Variants in TENT4A observed in about 807,000 individuals in gnomAD.
TENT4A encodes DNA polymerase kappa.
In TENT4A, 7 loss-of-function variants were observed where a neutral mutation model predicts 72.8. That is an observed-to-expected ratio of 0.10 (90% CI 0.05 to 0.18). TENT4A has a LOEUF of 0.18. Ranked by LOEUF, TENT4A falls within the 10% of genes least tolerant of loss-of-function variation. TENT4A has a pLI of 1.00. For missense variants in TENT4A, 831 were observed against 1,017.7 expected, an observed-to-expected ratio of 0.82 and a Z score of 2.50; for synonymous variants, 456 against 434.3, an observed-to-expected ratio of 1.05 and a Z score of -0.62.
intron 1 of TENT4A, among the ~76,000 whole-genome samples, chr5:6,715,665 A>G (rs1309034914): frequency 6.6e-6 from 1 of 152,240 alleles, no homozygotes; most frequent in African/African-American, 2.4e-5. Context: ...AATAACCACA[A>G]TTGCTAGGTG....
chr5:6,743,471 G>A (rs1396141124), intron 5 of TENT4A, among the ~76,000 whole-genome samples: 1 of 152,128 alleles, frequency 6.6e-6, no homozygotes, highest in South Asian at 2.1e-4. Context: ...CGTCATGGTA[G>A]GGGTGCACCC....
intron 4 of TENT4A, among the ~76,000 whole-genome samples, chr5:6,741,144 G>A (rs888098620): frequency 1.3e-4 from 20 of 152,176 alleles, no homozygotes; most frequent in Non-Finnish European, 2.1e-4. Context: ...CTTAGTCCCA[G>A]TGACCTCGTT....
At chr5:6,729,634 A>G (rs1741106224) in intron 1 of TENT4A, among the ~76,000 whole-genome samples, 1 of 152,202 alleles carries the variant, frequency 6.6e-6, no homozygotes, top group African/African-American at 2.4e-5. Context: ...TGGCAGGTGG[A>G]TCGGAGCCAG....
intron 10 of TENT4A, 139 bp from the exon 11 acceptor site, chr5:6,750,900 C>T (rs1253061063): frequency 2.3e-6 from 2 of 868,806 alleles, no homozygotes; most frequent in Non-Finnish European, 3.6e-6. Context: ...GTTTGGGCTG[C>T]CTGTTCAGAA....
intron 1 of TENT4A, among the ~76,000 whole-genome samples, chr5:6,716,306 C>T (rs1740385442): frequency 6.6e-6 from 1 of 152,154 alleles, no homozygotes; most frequent in Non-Finnish European, 1.5e-5. Context: ...GATCTTGACC[C>T]ACCCTGAAAC....
Position 6,713,951 on chromosome 5 carries a change from C to G in TENT4A, c.-33C>G, listed in dbSNP as rs965567339. 1 of 905,770 alleles carries G rather than the reference C, an allele frequency of 1.1e-6. No individual in the cohort carries two copies. Among genetic ancestry groups the G allele is most frequent in the Non-Finnish European group, 1.3e-6 (1 of 760,666 alleles). 56.1% of individuals were successfully genotyped at this position (905,770 alleles called of 1,614,324 possible). ...GGGGGCGGGGCCGCGTCGGGGCGGG[C>G]GGGCGCGCGGGCCCCGCGGGGGCGG... On this transcript the variant is annotated 5_prime_UTR_variant, in exon 1 of 13. Coordinates refer to ENST00000230859, the MANE Select transcript of TENT4A (RefSeq NM_006999.6).
Position 6,748,362 on chromosome 5 carries a change from A to G in TENT4A, c.1460-102A>G, listed in dbSNP as rs111837677. The G allele has an allele frequency of 1.0e-4, 151 of 1,467,314 alleles. 4 individuals carry two copies. The African/African-American group carries it at 1.7e-3, about 17-fold the overall frequency. 90.9% of individuals were successfully genotyped at this position (1,467,314 alleles called of 1,614,324 possible). On this transcript the variant is annotated intron_variant, in intron 7 of 12. Transcript: ENST00000230859. ...TGCTGGTAGGGTCTGGAAGAGTTTC[A>G]GTGGTGAGGGCCTGCTTCAGAGTCA...
chr5:6,737,788 C>A (rs1741580493), intron 2 of TENT4A, among the ~76,000 whole-genome samples, 155 bp downstream of exon 2: 1 of 152,248 alleles, frequency 6.6e-6, no homozygotes, highest in Non-Finnish European at 1.5e-5. Flanking sequence ...CCTCCGTTGC[C>A]TGGAATGCAT....
chr5:6,732,993 G>A (rs935837015), intron 1 of TENT4A, among the ~76,000 whole-genome samples: 2 of 152,192 alleles, frequency 1.3e-5, no homozygotes, highest in African/African-American at 4.8e-5. Context: ...AAGTCACCAC[G>A]GAGCAGTTGG....
At chr5:6,720,625 G>A (rs777505367) in intron 1 of TENT4A, among the ~76,000 whole-genome samples, 39 of 151,710 alleles carry the variant, frequency 2.6e-4, no homozygotes, top group Admixed American at 2.0e-3. Context: ...GCAGTGAGCC[G>A]AGATCGCACC....
At chr5:6,743,687 A>AT in intron 5 of TENT4A, 25 bp from the exon 6 acceptor site, 1 of 1,559,316 alleles carries the variant, frequency 6.4e-7, no homozygotes, top group Non-Finnish European at 8.8e-7. Context: ...TTACTCAGTA[A>AT]ATCTTTTTCT....
chr5:6,750,821 A>C (rs756435948), intron 10 of TENT4A: 2 of 552,986 alleles, frequency 3.6e-6, no homozygotes, highest in Non-Finnish European at 6.3e-6. Flanking sequence ...AAATCCAAGT[A>C]TCTCTTCTGT....
At chr5:6,739,998 CAT>C (rs781681346) in intron 4 of TENT4A, 146 bp downstream of exon 4, 75 of 759,790 alleles carry the variant, frequency 9.9e-5, no homozygotes, top group Non-Finnish European at 1.3e-4. Flanking sequence ...CTGGTATAGA[CAT>C]GTGTTTTATG....
At chr5:6,747,311 C>T (rs554358043) in intron 7 of TENT4A, among the ~76,000 whole-genome samples, 44 of 152,292 alleles carry the variant, frequency 2.9e-4, no homozygotes, top group South Asian at 1.0e-3. Context: ...GGCTGCCCTC[C>T]TCTGCTGTGT....
chr5:6,719,106 TTG>T (rs1227698559), intron 1 of TENT4A, among the ~76,000 whole-genome samples: 14 of 152,348 alleles, frequency 9.2e-5, no homozygotes. Context: ...TAATGCATGT[TTG>T]TGACATAATT....
intron 1 of TENT4A, among the ~76,000 whole-genome samples, chr5:6,736,232 C>T (rs1170818376): frequency 6.6e-6 from 1 of 152,172 alleles, no homozygotes; most frequent in Admixed American, 6.5e-5. Context: ...AATGCGTACT[C>T]CAAATGACTC....
intron 1 of TENT4A, among the ~76,000 whole-genome samples, chr5:6,725,431 T>C (rs1337454962): frequency 6.6e-6 from 1 of 152,188 alleles, no homozygotes; most frequent in African/African-American, 2.4e-5. Flanking sequence ...CTCCACATGA[T>C]TCAGAGACTC....
Position 6,754,694 on chromosome 5 carries a change from A to G in TENT4A, c.2185-57A>G, listed in dbSNP as rs573722790. On this transcript the variant is annotated intron_variant, in intron 12 of 12. Transcript: ENST00000230859. ...TGCTTAGTGTGGTCACTGCCCGAGG[A>G]CGTGGGCATTGTGCCTGCTGTCTGG... 2.2e-6 allele frequency: 3 copies of G among 1,389,114 alleles called. No homozygotes were observed. In the South Asian group the frequency reaches 4.4e-5, roughly 20 times the overall value. 86.0% of individuals were successfully genotyped at this position (1,389,114 alleles called of 1,614,324 possible). A position where few individuals can be genotyped will look rare whatever the true frequency, so the allele number is the denominator to read the frequency against.
At chr5:6,732,579 T>C (rs1336892231) in intron 1 of TENT4A, among the ~76,000 whole-genome samples, 1 of 152,252 alleles carries the variant, frequency 6.6e-6, no homozygotes, top group Non-Finnish European at 1.5e-5. Context: ...TACCTTTCGA[T>C]GGGTTTGGAC....
Sources: gnomAD v4.1 joint callset for allele counts (sites outside exome capture counted in the v4.1 genomes callset) on GRCh38, gnomAD v4.1.1 for gene constraint, MANE v1.5 for transcripts, NCBI Gene and HGNC (gene_info 2026-07-23, HGNC 2026-07-21) for gene names.